Variants in LEKR1 observed in about 807,000 individuals in gnomAD.
LEKR1 encodes the protein protein LEKR1.
In LEKR1, 59 loss-of-function variants were observed where a neutral mutation model predicts 72.4. That is an observed-to-expected ratio of 0.82 (90% CI 0.66 to 1.01). The LOEUF (loss-of-function observed/expected upper bound fraction) is 1.01. Ranked by LOEUF, LEKR1 falls within the 50% of genes least tolerant of loss-of-function variation. The pLI, the probability that LEKR1 is intolerant of heterozygous loss-of-function variation, is 0.00. For missense variants in LEKR1, 728 were observed against 759.2 expected, an observed-to-expected ratio of 0.96 and a Z score of 0.48; for synonymous variants, 257 against 263.2, an observed-to-expected ratio of 0.98 and a Z score of 0.23.
chr3:156,969,249 T>C (rs2107990477), intron 6 of LEKR1, among the ~76,000 whole-genome samples: 1 of 152,252 alleles, frequency 6.6e-6, no homozygotes, highest in African/African-American at 2.4e-5. Context: ...ATTCAAAAGC[T>C]AGCAGAAGGC....
At chr3:156,931,563 C>G (rs1381510899) in intron 5 of LEKR1, among the ~76,000 whole-genome samples, 1 of 152,128 alleles carries the variant, frequency 6.6e-6, no homozygotes, top group East Asian at 1.9e-4. Flanking sequence ...CAACTTTATT[C>G]AAGCTTAATT....
chr3:156,953,890 G>A (rs192891312), intron 6 of LEKR1, among the ~76,000 whole-genome samples: 38 of 151,824 alleles, frequency 2.5e-4, no homozygotes, highest in Admixed American at 3.9e-4. Context: ...ACCCAGTAAC[G>A]GGATTGCTGG....
intron 6 of LEKR1, among the ~76,000 whole-genome samples, chr3:156,971,060 G>A (rs1729136431): frequency 6.6e-6 from 1 of 152,054 alleles, no homozygotes; most frequent in Admixed American, 6.6e-5. Flanking sequence ...GAACAAAGCT[G>A]GAGGCATCAC....
intron 3 of LEKR1, among the ~76,000 whole-genome samples, chr3:156,860,706 G>C (rs1716664919): frequency 6.6e-6 from 1 of 152,156 alleles, no homozygotes; most frequent in Non-Finnish European, 1.5e-5. Flanking sequence ...CTCCAACCTA[G>C]ACTGGCTGGA....
chr3:156,854,333 A>G (rs1335992674), intron 3 of LEKR1, among the ~76,000 whole-genome samples: 1 of 150,474 alleles, frequency 6.6e-6, no homozygotes, highest in South Asian at 2.1e-4. Flanking sequence ...TTTAGTAGAG[A>G]CAGGGTTTCA....
intron 6 of LEKR1, among the ~76,000 whole-genome samples, chr3:156,959,284 T>A (rs1685863551): frequency 1.3e-5 from 2 of 152,200 alleles, no homozygotes; most frequent in Admixed American, 1.3e-4. Context: ...AAAATAATTG[T>A]TTGTTTAAAG....
At chr3:156,905,218 G>A (rs751154359) in intron 3 of LEKR1, among the ~76,000 whole-genome samples, 16 of 151,950 alleles carry the variant, frequency 1.1e-4, no homozygotes, top group Non-Finnish European at 1.9e-4. Flanking sequence ...AACTCAATAG[G>A]GCAAGCACCC....
intron 7 of LEKR1, among the ~76,000 whole-genome samples, chr3:156,984,742 CT>C (rs34337824): frequency 7.9e-4 from 119 of 151,030 alleles, no homozygotes; most frequent in African/African-American, 2.6e-3. Context: ...ACTTTAATTC[CT>C]TTTTTTTTCT....
chr3:157,029,257 T>C (rs905869354), intron 12 of LEKR1, among the ~76,000 whole-genome samples: 1 of 152,168 alleles, frequency 6.6e-6, no homozygotes, highest in African/African-American at 2.4e-5. Context: ...ATAATCATTG[T>C]AATTATGTAA....
intron 10 of LEKR1, among the ~76,000 whole-genome samples, chr3:157,022,965 T>G (rs561558960): frequency 2.0e-4 from 31 of 152,324 alleles, no homozygotes; most frequent in African/African-American, 7.5e-4. Flanking sequence ...CTTAGTCCTA[T>G]ACCCAGTACA....
At chr3:156,966,976 A>C (rs1017431611) in intron 6 of LEKR1, among the ~76,000 whole-genome samples, 1 of 152,068 alleles carries the variant, frequency 6.6e-6, no homozygotes, top group African/African-American at 2.4e-5. Flanking sequence ...CCACAAATAT[A>C]TGCTGTTCTG....
At chr3:157,032,744 G>T (rs1389327789) in intron 12 of LEKR1, among the ~76,000 whole-genome samples, 1 of 152,160 alleles carries the variant, frequency 6.6e-6, no homozygotes, top group Non-Finnish European at 1.5e-5. Context: ...TCAGGAATTG[G>T]AGAAACTAGA....
intron 6 of LEKR1, among the ~76,000 whole-genome samples, chr3:156,963,035 C>A (rs1728260004): frequency 1.3e-5 from 2 of 152,068 alleles, no homozygotes. Context: ...ATAGTTTGCC[C>A]CTTGCATTCT....
intron 7 of LEKR1, among the ~76,000 whole-genome samples, chr3:156,991,131 G>A (rs1406567361): frequency 6.6e-6 from 1 of 152,034 alleles, no homozygotes; most frequent in Non-Finnish European, 1.5e-5. Flanking sequence ...TAAAACTTAG[G>A]TAATAAAGCC....
intron 9 of LEKR1, among the ~76,000 whole-genome samples, chr3:157,002,282 C>T (rs760341249): frequency 6.6e-6 from 1 of 152,016 alleles, no homozygotes; most frequent in Non-Finnish European, 1.5e-5. Context: ...TTATTTCTTA[C>T]AATTCCTCTA....
chr3:157,035,656 T>C (rs1419702612), intron 12 of LEKR1, among the ~76,000 whole-genome samples: 1 of 152,120 alleles, frequency 6.6e-6, no homozygotes, highest in Non-Finnish European at 1.5e-5. Context: ...CTCAGCACTT[T>C]GGGAGGCCAA....
intron 2 of LEKR1, among the ~76,000 whole-genome samples, chr3:156,842,630 A>G (rs78052676): frequency 0.032 from 4,841 of 152,340 alleles, 116 homozygotes; most frequent in Non-Finnish European, 0.047. Context: ...AAGGAGAGTT[A>G]CAAAAAATGT....
At chr3:156,854,665 C>G (rs1290790525) in intron 3 of LEKR1, among the ~76,000 whole-genome samples, 2 of 151,502 alleles carry the variant, frequency 1.3e-5, no homozygotes, top group East Asian at 3.9e-4. Context: ...CTTAGCCTCC[C>G]GAGTAGCTGG....
intron 9 of LEKR1, among the ~76,000 whole-genome samples, chr3:157,011,171 A>C (rs1732856554): frequency 6.6e-6 from 1 of 152,128 alleles, no homozygotes; most frequent in Non-Finnish European, 1.5e-5. Context: ...TTTATTGCCA[A>C]AATAATATCT....
Sources: allele counts gnomAD v4.1 joint callset (sites outside exome capture counted in the v4.1 genomes callset), GRCh38; gene constraint gnomAD v4.1.1; transcripts MANE v1.5; gene names NCBI Gene and HGNC (gene_info 2026-07-23, HGNC 2026-07-21).